MS4A10: variants seen among roughly 807,000 people sequenced by gnomAD.
MS4A10 encodes the protein membrane spanning 4-domains A10.
Under a neutral mutation model 27.7 loss-of-function variants are expected in MS4A10, and 27 were observed. The observed-to-expected ratio is 0.98, with a 90% CI of 0.72 to 1.35. MS4A10 has a LOEUF of 1.35. Among genes scored for constraint, MS4A10 ranks in the 40% most tolerant of loss-of-function variants. MS4A10 has a pLI of 0.00. For synonymous variants in MS4A10, 139 were observed against 131.2 expected (o/e 1.06, Z -0.41); for missense variants, 338 against 324.7 (o/e 1.04, Z -0.32).
chr11:60,796,038 A>AGAGCAC (rs1769874276), intron 6 of MS4A10, among the ~76,000 whole-genome samples: 1 of 152,236 alleles, frequency 6.6e-6, no homozygotes, highest in Non-Finnish European at 1.5e-5. Context: ...CAGAGCAAGA[A>AGAGCAC]GAGCACGAGC....
chr11:60,785,897 C>T (rs1854326997), intron 1 of MS4A10, among the ~76,000 whole-genome samples: 1 of 152,106 alleles, frequency 6.6e-6, no homozygotes. Flanking sequence ...TTGACTCCCT[C>T]CTTGGACGGA....
intron 1 of MS4A10, among the ~76,000 whole-genome samples, chr11:60,787,280 C>A (rs1854356224): frequency 6.6e-6 from 1 of 152,164 alleles, no homozygotes; most frequent in Non-Finnish European, 1.5e-5. Context: ...CTGCCTGCCC[C>A]CTCTCTGTCA....
chr11:60,785,592 A>C (rs1854322230), intron 1 of MS4A10, among the ~76,000 whole-genome samples, 171 bp downstream of exon 1: 1 of 152,118 alleles, frequency 6.6e-6, no homozygotes, highest in South Asian at 2.1e-4. Flanking sequence ...GTGTTACTTA[A>C]ACTCCCAGAA....
chr11:60,798,651 G>A (rs1854573185), intron 7 of MS4A10, 137 bp downstream of exon 7: 2 of 657,436 alleles, frequency 3.0e-6, no homozygotes, highest in East Asian at 2.9e-5. Flanking sequence ...GAACTGCCTG[G>A]CCTGGGAGTG....
rs376689847 is a variant in MS4A10 at position 60,798,461 on chromosome 11, G to A, written c.669G>A (p.Pro223=). The change falls in exon 7 of 8, where the codon CCG becomes CCA. Residue 223 remains proline (P), a synonymous_variant. Transcript: ENST00000308287. ...TCAAAGGCCTGCCGGTGGAGCCCCCGCCATCCTACCAGAGTGTGATTCAAG... is the reference window on the plus strand; with the variant it reads ...TCAAAGGCCTGCCGGTGGAGCCCCCACCATCCTACCAGAGTGTGATTCAAG... ...LHLKGLPVEP[P]PSYQSVIQGD... 5 of 1,613,990 alleles carry A rather than the reference G, an allele frequency of 3.1e-6. No individual in the cohort carries two copies. Among genetic ancestry groups the A allele is most frequent in the Admixed American group, 3.3e-5 (2 of 59,998 alleles).
chr11:60,786,211 A>T (rs566393146), intron 1 of MS4A10, among the ~76,000 whole-genome samples: 1 of 150,476 alleles, frequency 6.6e-6, no homozygotes, highest in Non-Finnish European at 1.5e-5. Flanking sequence ...ACACACACAC[A>T]CCCTGAGAAG....
intron 7 of MS4A10, among the ~76,000 whole-genome samples, chr11:60,798,850 C>A (rs932189059): frequency 6.6e-6 from 1 of 152,378 alleles, no homozygotes; most frequent in African/African-American, 2.4e-5. Flanking sequence ...CTGGTGCCCC[C>A]CATGCCCTCT....
At chr11:60,791,432 C>A (rs1268129728) in intron 3 of MS4A10, among the ~76,000 whole-genome samples, 1 of 152,212 alleles carries the variant, frequency 6.6e-6, no homozygotes, top group Non-Finnish European at 1.5e-5. Flanking sequence ...GCCAGGCTGC[C>A]TCTGGATCCA....
At chr11:60,787,156 G>A (rs1165632362) in intron 1 of MS4A10, among the ~76,000 whole-genome samples, 1 of 152,112 alleles carries the variant, frequency 6.6e-6, no homozygotes, top group Non-Finnish European at 1.5e-5. Flanking sequence ...CCTAGTGGCA[G>A]TGGGTTTCCC....
At chr11:60,789,145 G>A (rs1380428549) in intron 1 of MS4A10, among the ~76,000 whole-genome samples, 1 of 152,222 alleles carries the variant, frequency 6.6e-6, no homozygotes, top group African/African-American at 2.4e-5. Context: ...AAATGTGGAT[G>A]CTCAATGGAA....
chr11:60,794,205 C>T (rs749751397), intron 5 of MS4A10, 102 bp downstream of exon 5: 14 of 1,440,994 alleles, frequency 9.7e-6, no homozygotes, highest in Middle Eastern at 2.5e-4. Flanking sequence ...CTCCTGGAGC[C>T]CAGGTGTGGG....
At chr11:60,793,578 G>A (rs1854466348) in intron 4 of MS4A10, among the ~76,000 whole-genome samples, 1 of 152,232 alleles carries the variant, frequency 6.6e-6, no homozygotes, top group Admixed American at 6.5e-5. Flanking sequence ...TTCTGGTGGG[G>A]AAGGGGCTGG....
At chr11:60,786,149 G>A (rs1854331015) in intron 1 of MS4A10, among the ~76,000 whole-genome samples, 1 of 147,704 alleles carries the variant, frequency 6.8e-6, no homozygotes, top group Admixed American at 6.7e-5. Flanking sequence ...TCCTTGACAT[G>A]CATGCACATG....
chr11:60,797,039 A>G (rs1393309670), intron 6 of MS4A10, among the ~76,000 whole-genome samples: 1 of 152,064 alleles, frequency 6.6e-6, no homozygotes. Context: ...CACATAATGC[A>G]TATATAAGTT....
At chr11:60,791,186 G>C in intron 3 of MS4A10, 93 bp downstream of exon 3, 1 of 1,543,114 alleles carries the variant, frequency 6.5e-7, no homozygotes, top group Non-Finnish European at 8.8e-7. Context: ...GGGTGGGATA[G>C]AGAGAGCTAA....
intron 1 of MS4A10, among the ~76,000 whole-genome samples, chr11:60,790,033 T>C (rs941230726): frequency 3.9e-5 from 6 of 152,238 alleles, no homozygotes; most frequent in African/African-American, 1.4e-4. Context: ...GGGTGAGCTC[T>C]GTCTTCCACT....
Position 60,795,310 on chromosome 11 carries a change from C to G in MS4A10, c.493-245C>G, listed in dbSNP as rs77861397. Among the ~76,000 whole-genome samples the G allele has an allele frequency of 5.9e-3, 899 of 152,246 alleles. 14 individuals carry two copies. Among genetic ancestry groups the G allele is most frequent in the African/African-American group, 0.021 (857 of 41,540 alleles). On this transcript the variant is annotated intron_variant, in intron 5 of 7. Transcript: ENST00000308287. ...CCCATGAGATTCTCCAGCCCTCAAA[C>G]GTTAGGCCAATACTCACCAAAGACC...
At chr11:60,791,672 G>T (rs1854433078) in intron 3 of MS4A10, among the ~76,000 whole-genome samples, 1 of 152,218 alleles carries the variant, frequency 6.6e-6, no homozygotes, top group South Asian at 2.1e-4. Context: ...ACTGTCTTGG[G>T]CAAGTATCCC....
At chr11:60,793,880 C>T in intron 4 of MS4A10, 92 bp from the exon 5 acceptor site, 1 of 1,432,932 alleles carries the variant, frequency 7.0e-7, no homozygotes. Context: ...TCTCCTGAGG[C>T]TACAGAGGAA....
Sources: allele counts gnomAD v4.1 joint callset (sites outside exome capture counted in the v4.1 genomes callset), GRCh38; gene constraint gnomAD v4.1.1; transcripts MANE v1.5; gene names NCBI Gene and HGNC (gene_info 2026-07-23, HGNC 2026-07-21).